RPTOR: variants seen among roughly 807,000 people sequenced by gnomAD.
The protein encoded by RPTOR is regulatory associated protein of MTOR complex 1, also known as regulatory-associated protein of mTOR.
A neutral mutation model predicts 169.9 loss-of-function variants in RPTOR; 21 were observed. The observed-to-expected ratio is 0.12, with a 90% CI of 0.09 to 0.18. The LOEUF is 0.18. RPTOR is among the 10% of genes least tolerant of loss of function. The pLI is 1.00. For missense variants in RPTOR, 1,133 were observed against 1,855.9 expected (o/e 0.61, Z 7.16); for synonymous variants, 732 against 753.2 (o/e 0.97, Z 0.46).
At chr17:80,702,106 A>G (rs1301296856) in intron 3 of RPTOR, among the ~76,000 whole-genome samples, 1 of 152,106 alleles carries the variant, frequency 6.6e-6, no homozygotes, top group Non-Finnish European at 1.5e-5. Context: ...TTGCAGTAGC[A>G]TTTCTTAGGC....
intron 9 of RPTOR, among the ~76,000 whole-genome samples, chr17:80,834,746 T>C (rs926684249): frequency 1.3e-5 from 2 of 152,174 alleles, no homozygotes; most frequent in African/African-American, 4.8e-5. Flanking sequence ...GCGAGGGCCT[T>C]GGAGAACGTG....
intron 2 of RPTOR, among the ~76,000 whole-genome samples, chr17:80,634,324 TATGTGC>T (rs1356359872): frequency 2.9e-5 from 1 of 34,078 alleles, no homozygotes; most frequent in Non-Finnish European, 6.9e-5. Context: ...GTGTGCGTAC[TATGTGC>T]GTGTGCGTAC....
At position 80,790,275 on chromosome 17, in the gene RPTOR, A is replaced by AGTGT. The variant is rs1232415706; in HGVS notation, c.831-1175_831-1174insGTGT. Among the ~76,000 whole-genome samples, 3 of 152,236 alleles carry AGTGT rather than the reference A, an allele frequency of 2.0e-5. No homozygotes were observed. In the East Asian group the frequency reaches 5.8e-4, roughly 29 times the overall value. ...TTATTTTCTCAGCTCTTTGAACGAT[A>AGTGT]AAACACTGACTACTGCAGCCACAAC... is the stretch of plus-strand genomic sequence containing the variant. On this transcript the variant is annotated intron_variant, in intron 6 of 33. Transcript: ENST00000306801.
chr17:80,839,424 G>A (rs777870529), intron 10 of RPTOR, among the ~76,000 whole-genome samples: 6 of 152,150 alleles, frequency 3.9e-5, no homozygotes, highest in Non-Finnish European at 8.8e-5. Flanking sequence ...CCCCATCTTT[G>A]TATTCATGGG....
intron 1 of RPTOR, among the ~76,000 whole-genome samples, chr17:80,583,925 G>A (rs1269574079): frequency 6.6e-6 from 1 of 152,220 alleles, no homozygotes; most frequent in Non-Finnish European, 1.5e-5. Context: ...GTGGCGGAGG[G>A]TGTCCCCCAG....
At chr17:80,829,637 G>A (rs1321478919) in intron 9 of RPTOR, among the ~76,000 whole-genome samples, 1 of 152,162 alleles carries the variant, frequency 6.6e-6, no homozygotes, top group Non-Finnish European at 1.5e-5. Flanking sequence ...ATGGGGGGCG[G>A]CCCGTAGACA....
At position 80,965,723 on chromosome 17, in the gene RPTOR, A is replaced by G. The variant is rs1224312385; in HGVS notation, c.*1393A>G. The G allele has an allele frequency of 4.3e-6, 1 of 233,172 alleles. No individual in the cohort carries two copies. Among genetic ancestry groups the G allele is most frequent in the Non-Finnish European group, 8.5e-6 (1 of 118,084 alleles). The allele number at this position is 233,172 out of a possible 1,614,324, so 14.4% of individuals were successfully genotyped here. On this transcript the variant is annotated 3_prime_UTR_variant, in exon 34 of 34. Coordinates refer to ENST00000306801, the MANE Select transcript of RPTOR (RefSeq NM_020761.3). The stretch of plus-strand genomic sequence containing the variant: ...TGGGTGGATGGAACCCTGCCTGGTC[A>G]CATTTGGCCAGAGACACACCTGGCC...
intron 1 of RPTOR, among the ~76,000 whole-genome samples, chr17:80,580,867 A>T (rs1188789637): frequency 6.6e-6 from 1 of 152,056 alleles, no homozygotes; most frequent in African/African-American, 2.4e-5. Flanking sequence ...AGCTAAAGTG[A>T]TCCTCCCATC....
At chr17:80,613,728 C>T (rs2065288214) in intron 1 of RPTOR, among the ~76,000 whole-genome samples, 3 of 148,158 alleles carry the variant, frequency 2.0e-5, no homozygotes, top group Admixed American at 1.3e-4. Flanking sequence ...TCGGGCTGGG[C>T]CGCGTGTTGT....
intron 24 of RPTOR, among the ~76,000 whole-genome samples, chr17:80,935,537 A>G (rs373768282): frequency 4.1e-4 from 62 of 152,354 alleles, no homozygotes; most frequent in African/African-American, 1.4e-3. Flanking sequence ...GAGAGCCCAG[A>G]AATTGGTCTA....
rs927963597 is a variant in RPTOR, at chr17:80,665,277, C to T, written c.348+21467C>T. ...ATGGGAGCCCCTCATTACCGGCGTG[C>T]ATCCTAACCACACTGCTTGTTTTCT... On this transcript the variant is annotated intron_variant, in intron 3 of 33. Coordinates refer to ENST00000306801, the MANE Select transcript of RPTOR (RefSeq NM_020761.3). Among the ~76,000 whole-genome samples, 5 of 151,678 alleles carry T rather than the reference C, an allele frequency of 3.3e-5. 1 individual carries two copies. The South Asian group carries it at 1.0e-3, about 32-fold the overall frequency.
intron 3 of RPTOR, among the ~76,000 whole-genome samples, chr17:80,701,927 G>T (rs569843776): frequency 1.3e-5 from 2 of 152,050 alleles, no homozygotes; most frequent in African/African-American, 4.8e-5. Context: ...CCACACCAGC[G>T]GCAGTTTGTG....
rs754362118 is a variant in RPTOR, at chr17:80,807,809, A to T, written c.891-14392A>T. On this transcript the variant is annotated intron_variant, in intron 7 of 33. Transcript: ENST00000306801. The stretch of plus-strand genomic sequence containing the variant: ...TCCTGTTTTTTCCATTAACTGCCAG[A>T]TAGTATATGCCTTAGACTTTGCAGG... 2.0e-5 allele frequency among the ~76,000 whole-genome samples: 3 copies of T among 152,202 alleles called. No individual in the cohort carries two copies. The East Asian group carries it at 5.8e-4, about 29-fold the overall frequency.
chr17:80,599,986 C>T (rs2065173592), intron 1 of RPTOR, among the ~76,000 whole-genome samples: 1 of 152,166 alleles, frequency 6.6e-6, no homozygotes, highest in African/African-American at 2.4e-5. Flanking sequence ...TTTCTCATTC[C>T]CAGCCTCTTC....
rs1286670080 is a variant in RPTOR at position 80,903,925 on chromosome 17, G to C, written c.2402-4886G>C. Among the ~76,000 whole-genome samples, 4 of 152,374 alleles carry C rather than the reference G, an allele frequency of 2.6e-5. No homozygotes were observed. The East Asian group carries it at 7.7e-4, about 29-fold the overall frequency. On this transcript the variant is annotated intron_variant, in intron 20 of 33. Coordinates refer to ENST00000306801, the MANE Select transcript of RPTOR (RefSeq NM_020761.3). The stretch of plus-strand genomic sequence containing the variant: ...CAACCCAGAAACTGGAGTTACTCTT[G>C]TCAGAAGACGGTGGTGAGAAAATGA...
At chr17:80,649,053 T>G (rs2065618652) in intron 3 of RPTOR, among the ~76,000 whole-genome samples, 1 of 152,238 alleles carries the variant, frequency 6.6e-6, no homozygotes, top group Admixed American at 6.5e-5. Flanking sequence ...TATGTCTTTA[T>G]CAGCAGCATG....
At chr17:80,801,485 A>C (rs2143534170) in intron 7 of RPTOR, among the ~76,000 whole-genome samples, 1 of 152,174 alleles carries the variant, frequency 6.6e-6, no homozygotes, top group African/African-American at 2.4e-5. Flanking sequence ...CGGGCTCCTC[A>C]ACAGGAGCCC....
intron 3 of RPTOR, among the ~76,000 whole-genome samples, chr17:80,703,261 T>C (rs771166978): frequency 3.6e-4 from 55 of 152,218 alleles, no homozygotes; most frequent in Non-Finnish European, 5.9e-5. Context: ...CCTCGCCGTC[T>C]GGCAAGCTCT....
intron 6 of RPTOR, among the ~76,000 whole-genome samples, chr17:80,786,972 A>G (rs767104651): frequency 1.2e-4 from 19 of 152,340 alleles, no homozygotes; most frequent in Non-Finnish European, 2.1e-4. Context: ...TTTTTATAGC[A>G]TAATGGGTTT....
Sources: gnomAD v4.1 joint callset for allele counts (sites outside exome capture counted in the v4.1 genomes callset) on GRCh38, gnomAD v4.1.1 for gene constraint, MANE v1.5 for transcripts, NCBI Gene and HGNC (gene_info 2026-07-23, HGNC 2026-07-21) for gene names.